EGLN2: variants seen among roughly 807,000 people sequenced by gnomAD.
EGLN2 encodes the protein prolyl hydroxylase EGLN2.
Under a neutral mutation model 38.2 loss-of-function variants are expected in EGLN2, and 15 were observed. The ratio of observed to expected loss-of-function variants is 0.39; its 90% CI spans 0.26 to 0.60. The LOEUF (loss-of-function observed/expected upper bound fraction) is 0.60. EGLN2 is among the 20% of genes least tolerant of loss of function. The probability of loss-of-function intolerance (pLI) is 0.50; values close to 1 mark genes in which losing one functional copy is unlikely to be tolerated. For synonymous variants in EGLN2, 284 were observed against 237.4 expected (o/e 1.20, Z -1.81); for missense variants, 492 against 570.4 (o/e 0.86, Z 1.40).
chr19:40,803,508 C>CT (rs1395338089), intron 2 of EGLN2, among the ~76,000 whole-genome samples: 2 of 152,180 alleles, frequency 1.3e-5, no homozygotes, highest in Non-Finnish European at 2.9e-5. Flanking sequence ...CATCTGGACT[C>CT]TCTCCTGTAC....
chr19:40,800,553 G>A lies in EGLN2; in HGVS notation c.-20G>A. On this transcript the variant is annotated 5_prime_UTR_variant, in exon 2 of 6. Transcript: ENST00000303961. ...CCCGGGCGGTGCCCTCCATGCCCGGGGGATGAAGACACTGCTGCCATGGAC... is the reference window on the plus strand; with the variant it reads ...CCCGGGCGGTGCCCTCCATGCCCGGAGGATGAAGACACTGCTGCCATGGAC... 3.2e-6 allele frequency: 5 copies of A among 1,565,586 alleles called. No homozygotes were observed. The highest frequency in any genetic ancestry group is 4.3e-6 in the Non-Finnish European group (5 of 1,154,334).
chr19:40,808,271 C>G lies in EGLN2; in HGVS notation c.*407C>G. On this transcript the variant is annotated 3_prime_UTR_variant, in exon 6 of 6. Coordinates refer to ENST00000303961, the MANE Select transcript of EGLN2 (RefSeq NM_080732.4). Reference sequence around the variant, plus strand: ...GGAGGAGTACCCCCAAGTCCTCTCACTCCTCCAGCCTGGAATGTGAAGTGA... The same window carrying G: ...GGAGGAGTACCCCCAAGTCCTCTCAGTCCTCCAGCCTGGAATGTGAAGTGA... 1 of 416,278 alleles carries G rather than the reference C, an allele frequency of 2.4e-6. No individual in the cohort carries two copies. Among genetic ancestry groups the G allele is most frequent in the Non-Finnish European group, 4.3e-6 (1 of 235,184 alleles). 25.8% of individuals were successfully genotyped at this position (416,278 alleles called of 1,614,324 possible).
chr19:40,808,076 G>C lies in EGLN2; in HGVS notation c.*212G>C. 1.7e-6 allele frequency: 1 copy of C among 602,638 alleles called. No individual in the cohort carries two copies. The highest frequency in any genetic ancestry group is 2.9e-6 in the Non-Finnish European group (1 of 340,938). The allele number at this position is 602,638 out of a possible 1,614,324, so 37.3% of individuals were successfully genotyped here. On this transcript the variant is annotated 3_prime_UTR_variant, in exon 6 of 6. Transcript: ENST00000303961. ...GGGCTGGGGTTGTCACCTGGACAGG[G>C]GGCAGCCGTGGAGGCCACCGTTACC...
At position 40,808,232 on chromosome 19, in the gene EGLN2, C is replaced by T. The variant is rs908685566; in HGVS notation, c.*368C>T. The T allele has an allele frequency of 5.7e-5, 25 of 438,040 alleles. 1 individual carries two copies. The highest frequency in any genetic ancestry group is 7.9e-5 in the Admixed American group (2 of 25,348). The allele number at this position is 438,040 out of a possible 1,614,324, so 27.1% of individuals were successfully genotyped here. ...GGTTGAGGTGAGTCATGGCCTCTTG[C>T]TGGCAATGGGGTGGGAGGAGTACCC... On this transcript the variant is annotated 3_prime_UTR_variant, in exon 6 of 6. Transcript: ENST00000303961.
At chr19:40,802,613 C>G (rs577658034) in intron 2 of EGLN2, among the ~76,000 whole-genome samples, 1 of 152,244 alleles carries the variant, frequency 6.6e-6, no homozygotes. Context: ...TTGTCAAGGC[C>G]TCATGGCCTC....
In EGLN2 at chr19:40,799,633, C is replaced by G. The variant is rs991808404; in HGVS notation, c.-235+371C>G. 6 of 152,228 alleles carry G rather than the reference C, an allele frequency of 3.9e-5. No individual in the cohort carries two copies. The East Asian group carries it at 7.8e-4, about 20-fold the overall frequency. 9.4% of individuals were successfully genotyped at this position (152,228 alleles called of 1,614,324 possible). Reference sequence around the variant, plus strand: ...GGGGCACCTTTATCTCTCGTCCTGTCTCCGGGTGCGTGCACCCTCCTCCGT... The same window carrying G: ...GGGGCACCTTTATCTCTCGTCCTGTGTCCGGGTGCGTGCACCCTCCTCCGT... On this transcript the variant is annotated intron_variant, in intron 1 of 5. Transcript: ENST00000303961.
intron 2 of EGLN2, 24 bp from the exon 3 acceptor site, chr19:40,806,531 C>A (rs1197308591): frequency 1.2e-6 from 2 of 1,613,496 alleles, no homozygotes; most frequent in Non-Finnish European, 1.7e-6. Flanking sequence ...CCCCAGTAAA[C>A]CTACCTCCCT....
rs750754392 is a variant in EGLN2 at position 40,801,446 on chromosome 19, G to T, written c.843+31G>T. On this transcript the variant is annotated intron_variant, in intron 2 of 5. Coordinates refer to ENST00000303961, the MANE Select transcript of EGLN2 (RefSeq NM_080732.4). ...GCTAGGTGGGGGCCTCTTTGGAGGG[G>T]CTTTGCAGCACCCTGGTTTGCAGCA... is the stretch of plus-strand genomic sequence containing the variant. The T allele has an allele frequency of 8.8e-6, 14 of 1,583,656 alleles. No homozygotes were observed. The East Asian group carries it at 3.1e-4, about 35-fold the overall frequency.
In EGLN2 at chr19:40,807,472, C is replaced by A; in HGVS notation, c.1101-12C>A. 1 of 1,614,058 alleles carries A rather than the reference C, an allele frequency of 6.2e-7. No individual in the cohort carries two copies. Among genetic ancestry groups the A allele is most frequent in the Non-Finnish European group, 8.5e-7 (1 of 1,179,980 alleles). On this transcript the variant is annotated splice_polypyrimidine_tract_variant and intron_variant, in intron 4 of 5. Transcript: ENST00000303961. The stretch of plus-strand genomic sequence containing the variant: ...TTGCAGAAAACTAATGTCCAACCAC[C>A]CTGGTCTCCAGGTACGCCATCACTG...
chr19:40,806,713 A>AGGGCTG, intron 3 of EGLN2, 39 bp downstream of exon 3: 1 of 1,467,466 alleles, frequency 6.8e-7, no homozygotes, highest in Non-Finnish European at 9.5e-7. Flanking sequence ...CGCTGGGGCT[A>AGGGCTG]GGGCTGGGGC....
chr19:40,807,795 C>T lies in EGLN2; in HGVS notation c.1169-14C>T, dbSNP rs377069095. 2 of 1,613,930 alleles carry T rather than the reference C, an allele frequency of 1.2e-6. No homozygotes were observed. Among genetic ancestry groups the T allele is most frequent in the African/African-American group, 1.3e-5 (1 of 74,938 alleles). ...TCTGATGACTCACTGTCTCCTGTCC[C>T]CTCTCACCCCCAGCATCAGGACAGA... On this transcript the variant is annotated splice_polypyrimidine_tract_variant and intron_variant, in intron 5 of 5. Coordinates refer to ENST00000303961, the MANE Select transcript of EGLN2 (RefSeq NM_080732.4).
chr19:40,806,478 A>G (rs1748424001), intron 2 of EGLN2, 77 bp from the exon 3 acceptor site: 1 of 1,590,580 alleles, frequency 6.3e-7, no homozygotes, highest in Non-Finnish European at 8.6e-7. Context: ...GGGGTGGGAA[A>G]ATAGGTAATT....
Position 40,807,856 on chromosome 19 carries a change from C to T in EGLN2, c.1216C>T (p.Pro406Ser). The change falls in exon 6 of 6, where the codon CCC becomes TCC. Residue 406 changes from proline to serine, a missense_variant. Transcript: ENST00000303961. ...AGTACCTGTATCACAGCCGCCTACG[C>T]CCACCTAGTGGCCAGTCCCAGAGCC... is the stretch of plus-strand genomic sequence containing the variant. ...VQVPVSQPPT[P>S]T The T allele has an allele frequency of 5.0e-6, 8 of 1,614,158 alleles. No individual in the cohort carries two copies. Among genetic ancestry groups the T allele is most frequent in the Non-Finnish European group, 6.8e-6 (8 of 1,179,992 alleles).
In EGLN2 at chr19:40,800,843, C is replaced by T; in HGVS notation, c.271C>T (p.Leu91=). Residue 91 remains leucine, a synonymous_variant, in exon 2 of 6, where the codon CTG becomes TTG. Transcript: ENST00000303961. ...GCAGGATGGTGGTGAGCTGCGGCCG[C>T]TGCAGAGTGAAGGCGCTGCAGCGCT... ...GGQDGGELRP[L]QSEGAAALVT... is the part of the protein sequence containing the mutation. The T allele has an allele frequency of 2.5e-6, 4 of 1,612,942 alleles. No homozygotes were observed. The South Asian group carries it at 4.4e-5, about 18-fold the overall frequency.
chr19:40,807,296 A>T (rs767219150), intron 4 of EGLN2, 22 bp downstream of exon 4: 2 of 1,613,886 alleles, frequency 1.2e-6, no homozygotes, highest in African/African-American at 2.7e-5. Flanking sequence ...ACTTCTGGAG[A>T]CGCACCCAGG....
Position 40,806,463 on chromosome 19 carries a change from A to C in EGLN2, c.844-92A>C, listed in dbSNP as rs2083301387. The C allele has an allele frequency of 1.9e-6, 3 of 1,577,788 alleles. No homozygotes were observed. In the South Asian group the frequency reaches 3.5e-5, roughly 18 times the overall value. On this transcript the variant is annotated intron_variant, in intron 2 of 5. Transcript: ENST00000303961. ...CAAGGAGTCATGGGGAAGATGGGGC[A>C]AGGAGGGGTGGGAAAATAGGTAATT... is the stretch of plus-strand genomic sequence containing the variant.
intron 2 of EGLN2, among the ~76,000 whole-genome samples, chr19:40,801,651 CTTTTTTT>C (rs58809253): frequency 4.9e-5 from 5 of 102,716 alleles, no homozygotes; most frequent in African/African-American, 1.5e-4. Context: ...CACAGTGGTT[CTTTTTTT>C]TTTTTTTTTT....
chr19:40,802,889 G>C (rs914548959), intron 2 of EGLN2, among the ~76,000 whole-genome samples: 2 of 152,278 alleles, frequency 1.3e-5, no homozygotes, highest in African/African-American at 4.8e-5. Context: ...TCCTCCTGCA[G>C]ATCCCATCTT....
At chr19:40,801,648 GTTCT>G (rs1315018564) in intron 2 of EGLN2, among the ~76,000 whole-genome samples, 13 of 102,948 alleles carry the variant, frequency 1.3e-4, no homozygotes, top group Admixed American at 1.1e-3. Context: ...AGCCACAGTG[GTTCT>G]TTTTTTTTTT....
Sources: allele counts gnomAD v4.1 joint callset (sites outside exome capture counted in the v4.1 genomes callset), GRCh38; gene constraint gnomAD v4.1.1; transcripts MANE v1.5; gene names NCBI Gene and HGNC (gene_info 2026-07-23, HGNC 2026-07-21).